Variants in SLIT3 observed in about 807,000 individuals in gnomAD.
SLIT3 encodes the protein slit homolog 3 protein.
Under a neutral mutation model 184.0 loss-of-function variants are expected in SLIT3, and 68 were observed. That is an observed-to-expected ratio of 0.37 (90% confidence interval 0.30 to 0.45). The LOEUF is 0.45. Ranked by LOEUF, SLIT3 falls within the 20% of genes least tolerant of loss-of-function variation. The probability of loss-of-function intolerance (pLI) is 1.00; values close to 1 mark genes in which losing one functional copy is unlikely to be tolerated. For missense variants in SLIT3, 1,707 were observed against 2,026.0 expected (o/e 0.84, Z 3.02); for synonymous variants, 831 against 828.6 (o/e 1.00, Z -0.05).
chr5:168,997,324 C>T (rs1368657801), intron 4 of SLIT3, among the ~76,000 whole-genome samples: 2 of 152,228 alleles, frequency 1.3e-5, no homozygotes, highest in East Asian at 1.9e-4. Flanking sequence ...GTTGTTTTTC[C>T]TACCCCATCC....
At chr5:169,187,919 C>T (rs866449172) in intron 4 of SLIT3, among the ~76,000 whole-genome samples, 38 of 152,142 alleles carry the variant, frequency 2.5e-4, no homozygotes, top group South Asian at 4.2e-4. Flanking sequence ...ACTCACCCTC[C>T]GCCCTGCCGC....
Position 168,749,620 on chromosome 5 carries a change from G to A in SLIT3, c.1989C>T (p.Asn663=). The A allele has an allele frequency of 6.2e-7, 1 of 1,614,180 alleles. No homozygotes were observed. The highest frequency in any genetic ancestry group is 8.5e-7 in the Non-Finnish European group (1 of 1,180,012). ...VSLSTINLLS[N]PFNCNCHLAW... Reference sequence around the variant, plus strand: ...CCAGGTGGCAGTTGCAGTTGAAGGGGTTGGACAGGAGGTTTCTAGGAAGAG... The same window carrying A: ...CCAGGTGGCAGTTGCAGTTGAAGGGATTGGACAGGAGGTTTCTAGGAAGAG... Residue 663 remains asparagine, a synonymous_variant, in exon 19 of 36, where the codon AAC becomes AAT. Transcript: ENST00000519560.
chr5:168,916,640 A>G (rs1352415359), intron 4 of SLIT3, among the ~76,000 whole-genome samples: 3 of 152,220 alleles, frequency 2.0e-5, no homozygotes, highest in Non-Finnish European at 4.4e-5. Context: ...CTTAAAAGCC[A>G]AGTTGCTTGG....
chr5:169,208,636 C>A (rs10077016), intron 3 of SLIT3, among the ~76,000 whole-genome samples: 12,349 of 152,162 alleles, frequency 0.081, 696 homozygotes, highest in African/African-American at 0.16. Flanking sequence ...CTCCACACAT[C>A]TACAACCATC....
intron 12 of SLIT3, among the ~76,000 whole-genome samples, chr5:168,779,382 C>G (rs985999088): frequency 6.6e-6 from 1 of 152,134 alleles, no homozygotes; most frequent in Non-Finnish European, 1.5e-5. Context: ...GGCAGAACAA[C>G]AACAAAAAGA....
At chr5:168,860,693 C>A (rs1435324050) in intron 5 of SLIT3, among the ~76,000 whole-genome samples, 1 of 152,142 alleles carries the variant, frequency 6.6e-6, no homozygotes, top group South Asian at 2.1e-4. Context: ...ACCAAGCCAG[C>A]CTTTACTCTG....
rs188008862 is a variant in SLIT3 at position 169,010,534 on chromosome 5, A to G, written c.414-127198T>C. ...CATGAAACAGAAATTAAGTTGACAA[A>G]ATGATGTGGACTAAAACTCATACCT... On this transcript the variant is annotated intron_variant, in intron 4 of 35. Transcript: ENST00000519560. Among the ~76,000 whole-genome samples the G allele has an allele frequency of 8.9e-4, 136 of 152,252 alleles. 1 individual carries two copies. Among genetic ancestry groups the G allele is most frequent in the Admixed American group, 4.4e-3 (68 of 15,296 alleles).
chr5:169,110,554 C>T (rs1210910955), intron 4 of SLIT3, among the ~76,000 whole-genome samples: 3 of 152,120 alleles, frequency 2.0e-5, no homozygotes, highest in Non-Finnish European at 2.9e-5. Context: ...TGTCTCTGTG[C>T]CCAAATTTCC....
At chr5:168,989,866 G>C (rs1755259682) in intron 4 of SLIT3, among the ~76,000 whole-genome samples, 1 of 152,220 alleles carries the variant, frequency 6.6e-6, no homozygotes, top group African/African-American at 2.4e-5. Flanking sequence ...GCAAAGTGAA[G>C]GGGCCAGGTT....
At chr5:168,952,716 A>G (rs759250016) in intron 4 of SLIT3, among the ~76,000 whole-genome samples, 14 of 152,176 alleles carry the variant, frequency 9.2e-5, no homozygotes, top group Non-Finnish European at 1.3e-4. Context: ...GGCTGACCCA[A>G]TTGGAGGCTG....
chr5:168,912,512 G>C (rs1031391743), intron 4 of SLIT3, among the ~76,000 whole-genome samples: 6 of 152,200 alleles, frequency 3.9e-5, no homozygotes, highest in Admixed American at 2.6e-4. Context: ...TCATGTCACA[G>C]AGCCAGAAAG....
At position 169,244,735 on chromosome 5, in the gene SLIT3, G is replaced by A; in HGVS notation, c.311C>T (p.Ala104Val). Reference protein sequence around the residue: ...DNQVSVIERGAFQDLKQLERL... With the variant: ...DNQVSVIERGVFQDLKQLERL... ...CTCTAGCTGCTTCAGGTCCTGGAAG[G>A]CGCCTCTCTCGATGACGCTGACCTG... The change falls in exon 3 of 36, where the codon GCC becomes GTC. Residue 104 changes from alanine to valine, a missense_variant. Ala to Val is a moderately conservative substitution (Grantham distance 64). Transcript: ENST00000519560. The A allele has an allele frequency of 6.2e-7, 1 of 1,613,956 alleles. No individual in the cohort carries two copies. The highest frequency in any genetic ancestry group is 8.5e-7 in the Non-Finnish European group (1 of 1,179,984).
Position 168,700,584 on chromosome 5 carries a change from G to A in SLIT3, c.2940C>T (p.Phe980=). ...GGAGGCCAGGGGTGAACTGTTACCT[G>A]AACCCATCCTTGTGGCTGTCACTCA... ...CHLSDSHKDG[F]SCSCPLGFEG... Residue 980 remains phenylalanine, a splice_region_variant and synonymous_variant, in exon 27 of 36, where the codon TTC becomes TTT. Coordinates refer to ENST00000519560, the MANE Select transcript of SLIT3 (RefSeq NM_003062.4). 1 of 1,612,740 alleles carries A rather than the reference G, an allele frequency of 6.2e-7. No individual in the cohort carries two copies. The highest frequency in any genetic ancestry group is 8.5e-7 in the Non-Finnish European group (1 of 1,178,728).
intron 8 of SLIT3, among the ~76,000 whole-genome samples, chr5:168,809,438 A>G (rs114447989): frequency 6.6e-6 from 1 of 152,216 alleles, no homozygotes; most frequent in African/African-American, 2.4e-5. Flanking sequence ...GCATTCGCAC[A>G]TGGTGAGGAC....
chr5:168,799,445 C>T (rs1473136850), intron 9 of SLIT3, among the ~76,000 whole-genome samples: 2 of 152,228 alleles, frequency 1.3e-5, no homozygotes, highest in African/African-American at 4.8e-5. Context: ...TGTCTTCCCG[C>T]ACCAGCAAAA....
intron 4 of SLIT3, among the ~76,000 whole-genome samples, chr5:168,947,516 C>T (rs1172099915): frequency 6.6e-6 from 1 of 152,186 alleles, no homozygotes; most frequent in Non-Finnish European, 1.5e-5. Context: ...AGAAAAAAAA[C>T]AGGCTGGGGT....
intron 1 of SLIT3, among the ~76,000 whole-genome samples, chr5:169,267,091 T>A (rs1021407305): frequency 6.6e-6 from 1 of 152,204 alleles, no homozygotes; most frequent in African/African-American, 2.4e-5. Flanking sequence ...ATTTGGGGCC[T>A]TTTTTAATCC....
intron 4 of SLIT3, among the ~76,000 whole-genome samples, chr5:168,930,402 G>T (rs1290535188): frequency 6.6e-6 from 1 of 152,156 alleles, no homozygotes; most frequent in Non-Finnish European, 1.5e-5. Flanking sequence ...ATGCTGAATG[G>T]TTTGCTGTTT....
At chr5:169,162,192 G>A (rs1353054780) in intron 4 of SLIT3, among the ~76,000 whole-genome samples, 5 of 152,168 alleles carry the variant, frequency 3.3e-5, no homozygotes, top group Non-Finnish European at 7.3e-5. Context: ...TTCCCAGTAT[G>A]ACAGTCATCC....
Sources: allele counts gnomAD v4.1 joint callset (sites outside exome capture counted in the v4.1 genomes callset), GRCh38; gene constraint gnomAD v4.1.1; transcripts MANE v1.5; gene names NCBI Gene and HGNC (gene_info 2026-07-23, HGNC 2026-07-21).